Variants in PTPRT observed in about 807,000 individuals in gnomAD.
PTPRT encodes the protein receptor-type tyrosine-protein phosphatase T.
PTPRT carries 56 observed loss-of-function variants against 176.8 expected under a neutral mutation model. The ratio of observed to expected loss-of-function variants is 0.32; its 90% CI spans 0.26 to 0.40. The LOEUF is 0.40. Ranked by LOEUF, PTPRT falls within the 10% of genes least tolerant of loss-of-function variation. The probability of loss-of-function intolerance (pLI) is 1.00; values close to 1 mark genes in which losing one functional copy is unlikely to be tolerated. For missense variants in PTPRT, 1,540 were observed against 1,908.2 expected (o/e 0.81, Z 3.60); for synonymous variants, 783 against 739.0 (o/e 1.06, Z -0.96).
chr20:42,809,604 C>T (rs1356812925), intron 2 of PTPRT, among the ~76,000 whole-genome samples: 1 of 152,158 alleles, frequency 6.6e-6, no homozygotes, highest in African/African-American at 2.4e-5. Flanking sequence ...CAAGGTGGGT[C>T]GGCAGGGCCG....
intron 7 of PTPRT, among the ~76,000 whole-genome samples, chr20:42,602,196 TCTC>T (rs1280928896): frequency 6.6e-6 from 1 of 152,200 alleles, no homozygotes; most frequent in Non-Finnish European, 1.5e-5. Flanking sequence ...TTCATTTTCT[TCTC>T]TGCTTTTAAA....
chr20:42,940,372 G>T (rs1414231158), intron 1 of PTPRT, among the ~76,000 whole-genome samples: 1 of 152,212 alleles, frequency 6.6e-6, no homozygotes, highest in Non-Finnish European at 1.5e-5. Flanking sequence ...CTGGGGAAAT[G>T]AGTTGTATTC....
intron 2 of PTPRT, among the ~76,000 whole-genome samples, chr20:42,862,046 A>G (rs2078671504): frequency 6.6e-6 from 1 of 152,204 alleles, no homozygotes; most frequent in Non-Finnish European, 1.5e-5. Flanking sequence ...ACACGCACAC[A>G]CACACACACA....
intron 7 of PTPRT, among the ~76,000 whole-genome samples, chr20:42,663,565 G>A (rs759155077): frequency 4.6e-5 from 7 of 152,016 alleles, no homozygotes; most frequent in Non-Finnish European, 1.0e-4. Flanking sequence ...CAGTGAACAG[G>A]GGCTCATGTG....
At chr20:42,111,104 C>T (rs754679476) in intron 22 of PTPRT, among the ~76,000 whole-genome samples, 15 of 152,278 alleles carry the variant, frequency 9.9e-5, no homozygotes, top group South Asian at 2.1e-4. Flanking sequence ...GAGCTCTGAG[C>T]GGTTCCCCTC....
intron 9 of PTPRT, among the ~76,000 whole-genome samples, chr20:42,439,014 C>T (rs986982173): frequency 6.6e-6 from 1 of 152,196 alleles, no homozygotes; most frequent in East Asian, 1.9e-4. Flanking sequence ...ACTCTGAGTG[C>T]CAGAAATCAT....
At chr20:43,082,388 A>G (rs1035268670) in intron 1 of PTPRT, among the ~76,000 whole-genome samples, 2 of 152,172 alleles carry the variant, frequency 1.3e-5, no homozygotes, top group African/African-American at 2.4e-5. Context: ...GGTTGCCCTT[A>G]GCTTAAGTAA....
chr20:42,892,911 C>T (rs111303948), intron 1 of PTPRT, among the ~76,000 whole-genome samples: 3,073 of 152,234 alleles, frequency 0.02, 51 homozygotes, highest in Middle Eastern at 0.051. Context: ...CCTCCATTCA[C>T]GTAGAGGAGC....
intron 2 of PTPRT, among the ~76,000 whole-genome samples, chr20:42,835,107 T>C (rs2078158768): frequency 6.6e-6 from 1 of 151,946 alleles, no homozygotes; most frequent in Non-Finnish European, 1.5e-5. Context: ...CCAAAACAAG[T>C]GATGTGTCTG....
intron 2 of PTPRT, among the ~76,000 whole-genome samples, chr20:42,883,976 C>T (rs1027913798): frequency 1.0e-4 from 10 of 98,234 alleles, no homozygotes; most frequent in South Asian, 3.7e-4. Flanking sequence ...CACACACACA[C>T]GCATACACAC....
intron 9 of PTPRT, among the ~76,000 whole-genome samples, chr20:42,423,178 T>TAAAAAAAAAAAAAAAAAAAAA (rs34775268): frequency 1.1e-5 from 1 of 88,114 alleles, no homozygotes; most frequent in African/African-American, 4.4e-5. Context: ...ACCTTAAAAG[T>TAAAAAAAAAAAAAAAAAAAAA]AAAAAAAAAA....
At chr20:42,415,805 T>C (rs1259557966) in intron 9 of PTPRT, among the ~76,000 whole-genome samples, 1 of 152,158 alleles carries the variant, frequency 6.6e-6, no homozygotes, top group East Asian at 1.9e-4. Flanking sequence ...ATGAGGATGG[T>C]CATCTCCATC....
chr20:42,168,466 C>T (rs1600623550), intron 16 of PTPRT, among the ~76,000 whole-genome samples: 1 of 152,174 alleles, frequency 6.6e-6, no homozygotes, highest in Non-Finnish European at 1.5e-5. Flanking sequence ...TTCTCCCTCA[C>T]AAAATACTAG....
chr20:42,620,673 C>G (rs1213736876), intron 7 of PTPRT, among the ~76,000 whole-genome samples: 1 of 152,180 alleles, frequency 6.6e-6, no homozygotes, highest in Non-Finnish European at 1.5e-5. Flanking sequence ...GTCTGAAAAG[C>G]GCAATATTCG....
chr20:42,051,961 G>C, the PTPRT span, among the ~76,000 whole-genome samples: 4 of 152,174 alleles, frequency 2.6e-5, no homozygotes, highest in Non-Finnish European at 5.9e-5. Flanking sequence ...GAATTTCCTC[G>C]AGACCTGGCT....
At chr20:42,759,199 C>T (rs2076880501) in intron 5 of PTPRT, among the ~76,000 whole-genome samples, 1 of 152,174 alleles carries the variant, frequency 6.6e-6, no homozygotes, top group South Asian at 2.1e-4. Context: ...AGTGGTGAGG[C>T]TTTGGCTCAA....
rs138197588 is a variant in PTPRT at position 42,558,732 on chromosome 20, T to C, written c.1154-86170A>G. Among the ~76,000 whole-genome samples, 382 of 152,274 alleles carry C rather than the reference T, an allele frequency of 2.5e-3. 1 individual carries two copies. Among genetic ancestry groups the C allele is most frequent in the Non-Finnish European group, 3.4e-3 (229 of 68,006 alleles). ...ATTCCCATCAGTACCGGCTTAGAGT[T>C]ACTCTTCTGACGAATATTGCACTGA... On this transcript the variant is annotated intron_variant, in intron 7 of 30. Coordinates refer to ENST00000373187, the MANE Select transcript of PTPRT (RefSeq NM_007050.6).
At chr20:42,108,255 TC>T (rs942042742) in intron 23 of PTPRT, among the ~76,000 whole-genome samples, 8 of 18,794 alleles carry the variant, frequency 4.3e-4, no homozygotes, top group East Asian at 2.9e-3. Context: ...TGTGTTTATT[TC>T]ATTTCAGCAT....
the PTPRT span, among the ~76,000 whole-genome samples, chr20:42,044,507 C>A: frequency 6.6e-6 from 1 of 152,218 alleles, no homozygotes; most frequent in Non-Finnish European, 1.5e-5. Context: ...CAGTAAAGGG[C>A]AGTTCTTCTC....
Sources: gnomAD v4.1 joint callset for allele counts (sites outside exome capture counted in the v4.1 genomes callset) on GRCh38, gnomAD v4.1.1 for gene constraint, MANE v1.5 for transcripts, NCBI Gene and HGNC (gene_info 2026-07-23, HGNC 2026-07-21) for gene names.